Variants in SDHAF2 observed in about 807,000 individuals in gnomAD.
SDHAF2 encodes the protein succinate dehydrogenase complex assembly factor 2, also known as succinate dehydrogenase assembly factor 2, mitochondrial.
Under a neutral mutation model 18.5 loss-of-function variants are expected in SDHAF2, and 21 were observed. The observed-to-expected ratio is 1.13, with a 90% CI of 0.80 to 1.63. The LOEUF (loss-of-function observed/expected upper bound fraction) is 1.63, where lower values mean the gene tolerates loss of function less well. Ranked by LOEUF, SDHAF2 falls within the 40% of genes most tolerant of loss-of-function variation. SDHAF2 has a pLI of 0.00. For synonymous variants in SDHAF2, 84 were observed against 70.7 expected (o/e 1.19, Z -0.94); for missense variants, 195 against 200.3 (o/e 0.97, Z 0.16).
Position 61,443,897 on chromosome 11 carries a change from C to T in SDHAF2, c.371-2044C>T, listed in dbSNP as rs372919752. On this transcript the variant is annotated intron_variant, in intron 3 of 3. Coordinates refer to ENST00000301761, the MANE Select transcript of SDHAF2 (RefSeq NM_017841.4). ...CATGCCATTCTGCTGCCTCAGCATC[C>T]CGAGTAGCTGGGACTACAGGCGCCC... 3.0e-3 allele frequency among the ~76,000 whole-genome samples: 451 copies of T among 152,304 alleles called. 4 individuals carry two copies. The highest frequency in any genetic ancestry group is 0.01 in the African/African-American group (421 of 41,558).
At chr11:61,441,836 A>G (rs1356764146) in intron 3 of SDHAF2, among the ~76,000 whole-genome samples, 1 of 150,896 alleles carries the variant, frequency 6.6e-6, no homozygotes, top group Non-Finnish European at 1.5e-5. Flanking sequence ...TCAGCCCTTT[A>G]TGTATATTTG....
chr11:61,430,296 A>G (rs2135436912), intron 1 of SDHAF2, 114 bp downstream of exon 1: 1 of 1,387,304 alleles, frequency 7.2e-7, no homozygotes, highest in Non-Finnish European at 1.0e-6. Flanking sequence ...GCGCAGGGCA[A>G]GGGCAGGCCC....
chr11:61,435,645 C>G (rs1449279407), intron 1 of SDHAF2: 1 of 152,096 alleles, frequency 6.6e-6, no homozygotes, highest in Non-Finnish European at 1.5e-5. Flanking sequence ...TGCCGGTTTC[C>G]TTTTTCAGGA....
At chr11:61,440,248 T>C (rs1180200149) in intron 3 of SDHAF2, among the ~76,000 whole-genome samples, 1 of 152,094 alleles carries the variant, frequency 6.6e-6, no homozygotes, top group Non-Finnish European at 1.5e-5. Flanking sequence ...GAGGTTGCAG[T>C]GAGCCAAGAT....
intron 3 of SDHAF2, among the ~76,000 whole-genome samples, chr11:61,445,333 A>G (rs533317251): frequency 6.6e-5 from 10 of 152,264 alleles, no homozygotes; most frequent in Non-Finnish European, 1.3e-4. Context: ...CTCAGTGCCT[A>G]TGTTGCCCGT....
chr11:61,432,155 G>A (rs1861940758), intron 1 of SDHAF2: 1 of 152,176 alleles, frequency 6.6e-6, no homozygotes, highest in Admixed American at 6.5e-5. Flanking sequence ...CTACTTGAGA[G>A]GCTGAGGCGG....
chr11:61,439,716 G>A (rs1862040138), intron 3 of SDHAF2, among the ~76,000 whole-genome samples: 1 of 152,186 alleles, frequency 6.6e-6, no homozygotes, highest in South Asian at 2.1e-4. Context: ...TACAGAACAA[G>A]TTTGCCCTGA....
At chr11:61,434,592 T>A (rs1277395859) in intron 1 of SDHAF2, 2 of 119,632 alleles carry the variant, frequency 1.7e-5, no homozygotes, top group African/African-American at 7.4e-5. Context: ...TTCTCATTCC[T>A]TTTTTTTTTT....
At chr11:61,441,547 C>T (rs1208339872) in intron 3 of SDHAF2, among the ~76,000 whole-genome samples, 3 of 150,720 alleles carry the variant, frequency 2.0e-5, no homozygotes, top group Non-Finnish European at 3.0e-5. Flanking sequence ...AGATCAGACT[C>T]AACAAGTACA....
chr11:61,438,790 A>T (rs897646923), intron 3 of SDHAF2, among the ~76,000 whole-genome samples: 4 of 152,276 alleles, frequency 2.6e-5, no homozygotes, highest in Admixed American at 2.6e-4. Flanking sequence ...CATGCCTCTA[A>T]TCTGAGCACT....
At chr11:61,445,800 A>G (rs2134901676) in intron 3 of SDHAF2, 141 bp from the exon 4 acceptor site, 3 of 1,026,170 alleles carry the variant, frequency 2.9e-6, no homozygotes, top group Non-Finnish European at 4.4e-6. Context: ...ATAGGCTAAC[A>G]TCGTGTATAT....
chr11:61,432,269 G>A (rs1313727390), intron 1 of SDHAF2: 2 of 152,094 alleles, frequency 1.3e-5, no homozygotes, highest in Non-Finnish European at 2.9e-5. Context: ...AAATAAAATA[G>A]GGAAGTACAA....
chr11:61,446,433 G>A lies in SDHAF2; in HGVS notation c.*362G>A. The A allele has an allele frequency of 1.8e-6, 1 of 571,196 alleles. No homozygotes were observed. Among genetic ancestry groups the A allele is most frequent in the Non-Finnish European group, 3.1e-6 (1 of 323,182 alleles). The allele number at this position is 571,196 out of a possible 1,614,324, so 35.4% of individuals were successfully genotyped here. On this transcript the variant is annotated 3_prime_UTR_variant, in exon 4 of 4. Coordinates refer to ENST00000301761, the MANE Select transcript of SDHAF2 (RefSeq NM_017841.4). ...TGTACTCAAAGAAAAGAGGCAGCCA[G>A]CTGTGCGTGCTGTATGGAAAGCCTC... is the stretch of plus-strand genomic sequence containing the variant.
chr11:61,435,551 T>TAGAG (rs1328088422), intron 1 of SDHAF2: 2 of 152,230 alleles, frequency 1.3e-5, no homozygotes, highest in African/African-American at 4.8e-5. Context: ...TCAGCATGGA[T>TAGAG]AGAGATTCCA....
intron 1 of SDHAF2, chr11:61,436,122 CAAAA>C: frequency 7.2e-6 from 1 of 138,920 alleles, no homozygotes; most frequent in Non-Finnish European, 1.6e-5. Flanking sequence ...AACTCCGTCT[CAAAA>C]AAAAAAAAAG....
chr11:61,437,434 CAAGT>C (rs1246324134), intron 1 of SDHAF2, among the ~76,000 whole-genome samples, 187 bp from the exon 2 acceptor site: 6 of 152,230 alleles, frequency 3.9e-5, no homozygotes, highest in Admixed American at 3.9e-4. Flanking sequence ...CTCCTGAACT[CAAGT>C]AATCATGCTC....
intron 3 of SDHAF2, among the ~76,000 whole-genome samples, chr11:61,438,610 G>A (rs1266361174): frequency 1.3e-5 from 2 of 152,104 alleles, no homozygotes; most frequent in Non-Finnish European, 2.9e-5. Flanking sequence ...GAGACAGAGT[G>A]GAAACTTGTT....
intron 3 of SDHAF2, among the ~76,000 whole-genome samples, chr11:61,445,071 A>T (rs1000242274): frequency 6.6e-6 from 1 of 152,238 alleles, no homozygotes; most frequent in Admixed American, 6.5e-5. Flanking sequence ...CAGAGCCCTC[A>T]CTAGATGCCA....
chr11:61,433,715 A>C (rs370777140), intron 1 of SDHAF2: 1 of 152,214 alleles, frequency 6.6e-6, no homozygotes, highest in Non-Finnish European at 1.5e-5. Context: ...TTTTCATCGC[A>C]TGCTGTATTA....
Sources: gnomAD v4.1 joint callset for allele counts (sites outside exome capture counted in the v4.1 genomes callset) on GRCh38, gnomAD v4.1.1 for gene constraint, MANE v1.5 for transcripts, NCBI Gene and HGNC (gene_info 2026-07-23, HGNC 2026-07-21) for gene names.